The following DDX42 variants were observed in gnomAD, a reference collection of about 807,000 sequenced individuals.
DDX42 encodes the protein ATP-dependent RNA helicase DDX42.
In DDX42, 22 loss-of-function variants were observed where a neutral mutation model predicts 101.5. That is an observed-to-expected ratio of 0.22 (90% confidence interval 0.15 to 0.31). The LOEUF (loss-of-function observed/expected upper bound fraction) is 0.31, where lower values mean the gene tolerates loss of function less well. Among genes scored for constraint, DDX42 ranks in the 10% least tolerant of loss-of-function variants. The pLI, the probability that DDX42 is intolerant of heterozygous loss-of-function variation, is 1.00. For synonymous variants in DDX42, 402 were observed against 401.2 expected (o/e 1.00, Z -0.02); for missense variants, 849 against 1,199.9 (o/e 0.71, Z 4.32).
chr17:63,788,767 A>G (rs983707936), intron 2 of DDX42, among the ~76,000 whole-genome samples: 13 of 152,208 alleles, frequency 8.5e-5, no homozygotes, highest in African/African-American at 3.1e-4. Flanking sequence ...GCTGGGATTT[A>G]AGGGGTTGAG....
chr17:63,809,883 G>T (rs775629016), intron 11 of DDX42, among the ~76,000 whole-genome samples: 1 of 152,116 alleles, frequency 6.6e-6, no homozygotes, highest in Non-Finnish European at 1.5e-5. Context: ...TTGTATATAA[G>T]GGGAATATTT....
chr17:63,813,652 G>C (rs1344269844), intron 15 of DDX42, among the ~76,000 whole-genome samples, 198 bp downstream of exon 15: 1 of 152,162 alleles, frequency 6.6e-6, no homozygotes, highest in East Asian at 1.9e-4. Context: ...AACAGCATCT[G>C]TTTTGAAAAG....
chr17:63,812,321 C>T, intron 14 of DDX42, 113 bp downstream of exon 14: 2 of 1,361,090 alleles, frequency 1.5e-6, no homozygotes, highest in South Asian at 1.5e-5. Context: ...GTTGGCCTGG[C>T]TGGCCATCCC....
At chr17:63,817,055 C>A in intron 17 of DDX42, 89 bp downstream of exon 17, 1 of 1,113,750 alleles carries the variant, frequency 9.0e-7, no homozygotes, top group Non-Finnish European at 1.3e-6. Flanking sequence ...TGTAGCTGGG[C>A]GCCTAGGCTT....
intron 2 of DDX42, among the ~76,000 whole-genome samples, chr17:63,789,499 C>T: frequency 6.8e-6 from 1 of 147,772 alleles, no homozygotes. Context: ...TAGGCGTGAG[C>T]TACTGCACCC....
intron 15 of DDX42, among the ~76,000 whole-genome samples, chr17:63,814,739 G>C (rs2039956206): frequency 7.0e-6 from 1 of 143,120 alleles, no homozygotes; most frequent in East Asian, 2.1e-4. Context: ...ACCCAGGCTG[G>C]AGTGCAGTGG....
In DDX42 at chr17:63,774,246, C is replaced by CGGTGGCGGTGGTGGTGGT. The variant is rs1555717987; in HGVS notation, c.-145_-144insTGGCGGTGGTGGTGGTGG. 7.5e-6 allele frequency: 1 copy of CGGTGGCGGTGGTGGTGGT among 133,860 alleles called. No homozygotes were observed. The highest frequency in any genetic ancestry group is 5.4e-4 in the South Asian group (1 of 1,852). The allele number at this position is 133,860 out of a possible 1,614,324, so 8.3% of individuals were successfully genotyped here. On this transcript the variant is annotated 5_prime_UTR_variant, in exon 1 of 18. Transcript: ENST00000389924. ...GTGGCGGCGGCGGTGGTGGTGGTGG[C>CGGTGGCGGTGGTGGTGGT]GGCGGCGGCGGCGAAGGGGGCGGAG...
intron 3 of DDX42, 109 bp from the exon 4 acceptor site, chr17:63,797,929 A>G (rs892695767): frequency 2.0e-5 from 19 of 967,786 alleles, no homozygotes; most frequent in Non-Finnish European, 2.6e-5. Context: ...ATCAAAATGC[A>G]CTTGTCAAAT....
chr17:63,809,091 TG>T, intron 10 of DDX42, 143 bp downstream of exon 10: 1 of 1,223,402 alleles, frequency 8.2e-7, no homozygotes, highest in Non-Finnish European at 1.1e-6. Flanking sequence ...GTTTTAATTT[TG>T]ATTGGTGGCT....
chr17:63,797,945 G>A (rs1199097364), intron 3 of DDX42, 93 bp from the exon 4 acceptor site: 2 of 1,199,910 alleles, frequency 1.7e-6, no homozygotes, highest in Non-Finnish European at 1.2e-6. Flanking sequence ...CAAATACATA[G>A]CTAAAGCTAT....
At chr17:63,788,991 C>CTAAAGCA (rs1210781417) in intron 2 of DDX42, among the ~76,000 whole-genome samples, 1 of 152,002 alleles carries the variant, frequency 6.6e-6, no homozygotes, top group Non-Finnish European at 1.5e-5. Context: ...ACCTCCCAGG[C>CTAAAGCA]TAAAGCAGTT....
At chr17:63,806,691 T>C in intron 8 of DDX42, 37 bp downstream of exon 8, 3 of 1,582,656 alleles carry the variant, frequency 1.9e-6, no homozygotes, top group Non-Finnish European at 2.6e-6. Flanking sequence ...TAAAGTAGGG[T>C]AGTCTTTCAT....
intron 11 of DDX42, chr17:63,810,120 TG>T (rs2039891306): frequency 5.2e-6 from 1 of 191,544 alleles, no homozygotes; most frequent in Non-Finnish European, 1.1e-5. Context: ...GACAGAGTTT[TG>T]CTTTTGTTGC....
chr17:63,811,448 T>C lies in DDX42; in HGVS notation c.1398+275T>C, dbSNP rs1451642983. 1.3e-5 allele frequency: 5 copies of C among 375,116 alleles called. No homozygotes were observed. The East Asian group carries it at 2.3e-4, about 17-fold the overall frequency. The allele number at this position is 375,116 out of a possible 1,614,324, so 23.2% of individuals were successfully genotyped here. On this transcript the variant is annotated intron_variant, in intron 13 of 17. Coordinates refer to ENST00000389924, the MANE Select transcript of DDX42 (RefSeq NM_203499.3). ...AATGTCTCAAAACTTACAATTGTTT[T>C]AAAAAGGCTTCAAAGAGACAAAAAG...
At chr17:63,798,665 T>C (rs1598333131) in intron 4 of DDX42, among the ~76,000 whole-genome samples, 1 of 152,338 alleles carries the variant, frequency 6.6e-6, no homozygotes, top group South Asian at 2.1e-4. Flanking sequence ...GACATTGTGC[T>C]GTAGCAGCCA....
At chr17:63,810,948 T>C (rs750968896) in intron 12 of DDX42, 128 bp from the exon 13 acceptor site, 4 of 716,760 alleles carry the variant, frequency 5.6e-6, no homozygotes, top group South Asian at 2.0e-5. Flanking sequence ...AATCAGTTTC[T>C]AAACTAAATT....
In DDX42 at chr17:63,817,827, A is replaced by C; in HGVS notation, c.2246A>C (p.His749Pro). ...SVPTNSAQQG[H>P]NSPDSPVTSA... Reference sequence around the variant, plus strand: ...CCAACTAACTCAGCACAACAGGGCCATAACAGTCCTGACAGCCCCGTCACC... The same window carrying C: ...CCAACTAACTCAGCACAACAGGGCCCTAACAGTCCTGACAGCCCCGTCACC... The change falls in exon 18 of 18, where the codon CAT becomes CCT. Residue 749 changes from histidine (H) to proline (P), a missense_variant. Coordinates refer to ENST00000389924, the MANE Select transcript of DDX42 (RefSeq NM_203499.3). The C allele has an allele frequency of 6.2e-7, 1 of 1,614,228 alleles. No homozygotes were observed. The highest frequency in any genetic ancestry group is 8.5e-7 in the Non-Finnish European group (1 of 1,180,044).
At chr17:63,816,801 G>A in intron 16 of DDX42, 67 bp from the exon 17 acceptor site, 1 of 1,285,766 alleles carries the variant, frequency 7.8e-7, no homozygotes, top group Non-Finnish European at 1.1e-6. Flanking sequence ...TCATAATGAG[G>A]CCTAGTCTAT....
Position 63,816,936 on chromosome 17 carries a change from T to C in DDX42, c.2082T>C (p.Asp694=). The change falls in exon 17 of 18, where the codon GAT becomes GAC. Residue 694 remains aspartate (D), a synonymous_variant. Coordinates refer to ENST00000389924, the MANE Select transcript of DDX42 (RefSeq NM_203499.3). The part of the protein sequence containing the change: ...AYKPSTGAMG[D]RLTAMKAAFQ... ...AGCCTTCCACAGGAGCTATGGGAGA[T>C]CGACTAACGGCAATGAAAGCAGCTT... 1 of 1,614,018 alleles carries C rather than the reference T, an allele frequency of 6.2e-7. No individual in the cohort carries two copies. Among genetic ancestry groups the C allele is most frequent in the Non-Finnish European group, 8.5e-7 (1 of 1,179,974 alleles).
Sources: gnomAD v4.1 joint callset for allele counts (sites outside exome capture counted in the v4.1 genomes callset) on GRCh38, gnomAD v4.1.1 for gene constraint, MANE v1.5 for transcripts, NCBI Gene and HGNC (gene_info 2026-07-23, HGNC 2026-07-21) for gene names.